Variants in ANKRD17 observed in about 807,000 individuals in gnomAD.
ANKRD17 encodes ankyrin repeat domain-containing protein 17.
ANKRD17 carries 19 observed loss-of-function variants against 229.7 expected under a neutral mutation model. The ratio of observed to expected loss-of-function variants is 0.08; its 90% CI spans 0.06 to 0.12. The LOEUF is 0.12. Among genes scored for constraint, ANKRD17 ranks in the 10% least tolerant of loss-of-function variants. ANKRD17 has a pLI of 1.00. For missense variants in ANKRD17, 2,176 were observed against 3,176.8 expected (o/e 0.68, Z 7.57); for synonymous variants, 1,112 against 1,146.1 (o/e 0.97, Z 0.60).
intron 16 of ANKRD17, among the ~76,000 whole-genome samples, chr4:73,133,750 G>A (rs1050815724): frequency 3.3e-5 from 5 of 151,994 alleles, no homozygotes; most frequent in African/African-American, 1.2e-4. Context: ...GTCTTTGGGG[G>A]ATGGTGGCAC....
At chr4:73,150,116 G>C (rs1170982813) in intron 7 of ANKRD17, among the ~76,000 whole-genome samples, 1 of 152,024 alleles carries the variant, frequency 6.6e-6, no homozygotes, top group Non-Finnish European at 1.5e-5. Flanking sequence ...AATTTGTAGA[G>C]AAGACTCTAA....
intron 7 of ANKRD17, among the ~76,000 whole-genome samples, 166 bp downstream of exon 7, chr4:73,151,264 T>C (rs1461637890): frequency 6.6e-6 from 1 of 152,342 alleles, no homozygotes; most frequent in East Asian, 1.9e-4. Context: ...GGTAGCATTG[T>C]AAAGCTTCAG....
chr4:73,211,604 T>C (rs998459919), intron 1 of ANKRD17, among the ~76,000 whole-genome samples: 4 of 152,148 alleles, frequency 2.6e-5, no homozygotes, highest in African/African-American at 9.7e-5. Context: ...CTCAGCACTT[T>C]GGGAGGCCGA....
chr4:73,091,757 A>C lies in ANKRD17; in HGVS notation c.5871T>G (p.Ser1957=), dbSNP rs762369605. 4 of 1,614,194 alleles carry C rather than the reference A, an allele frequency of 2.5e-6. No homozygotes were observed. The South Asian group carries it at 4.4e-5, about 18-fold the overall frequency. ...TTAAAGAACCTGCTGAATTCACCTG[A>C]GAACCACTGCTATTCTGATTGCTAT... is the stretch of plus-strand genomic sequence containing the variant. The part of the protein sequence containing the change: ...PRHSNQNSSG[S]QVNSAGSLTS... The change falls in exon 29 of 34, where the codon TCT becomes TCG. Residue 1957 remains serine, a synonymous_variant. Transcript: ENST00000358602.
intron 1 of ANKRD17, among the ~76,000 whole-genome samples, chr4:73,208,506 T>C (rs1461318893): frequency 6.6e-6 from 1 of 152,188 alleles, no homozygotes; most frequent in East Asian, 1.9e-4. Context: ...ATATGAACCA[T>C]GGATGGCCAA....
chr4:73,085,498 A>G (rs1275647894), intron 29 of ANKRD17, 52 bp from the exon 30 acceptor site: 1 of 1,463,232 alleles, frequency 6.8e-7, no homozygotes, highest in Non-Finnish European at 9.5e-7. Context: ...TGCAAGAAAT[A>G]GAGATACCTT....
At chr4:73,125,146 C>T (rs1727265558) in intron 17 of ANKRD17, 55 bp downstream of exon 17, 5 of 1,590,382 alleles carry the variant, frequency 3.1e-6, no homozygotes, top group African/African-American at 2.7e-5. Context: ...AAATAATGTT[C>T]CTAAATAAAT....
chr4:73,192,349 A>AAAAAAC (rs942711637), intron 1 of ANKRD17, among the ~76,000 whole-genome samples: 15 of 152,230 alleles, frequency 9.9e-5, no homozygotes, highest in African/African-American at 1.4e-4. Context: ...CCTGAAGCAA[A>AAAAAAC]AAAAACAAAA....
intron 3 of ANKRD17, among the ~76,000 whole-genome samples, chr4:73,158,026 G>C (rs925529330): frequency 2.0e-5 from 3 of 151,916 alleles, no homozygotes; most frequent in East Asian, 3.9e-4. Context: ...AGGAGGTGGA[G>C]GTTGCAGTGA....
chr4:73,080,012 A>C (rs1431128032), intron 30 of ANKRD17, among the ~76,000 whole-genome samples: 1 of 152,156 alleles, frequency 6.6e-6, no homozygotes, highest in Non-Finnish European at 1.5e-5. Flanking sequence ...AGGCTGAGGC[A>C]GACGAATCAC....
chr4:73,136,204 C>T (rs1728875441), intron 15 of ANKRD17, among the ~76,000 whole-genome samples: 1 of 151,976 alleles, frequency 6.6e-6, no homozygotes, highest in Non-Finnish European at 1.5e-5. Context: ...TCCCCCAACC[C>T]CATTAAAAAT....
intron 16 of ANKRD17, among the ~76,000 whole-genome samples, chr4:73,125,728 G>A (rs1396543106): frequency 1.3e-5 from 1 of 75,932 alleles, no homozygotes; most frequent in African/African-American, 4.5e-5. Context: ...GCGAGACTCC[G>A]TCTCAAAAAA....
At chr4:73,205,757 A>G (rs1171261234) in intron 1 of ANKRD17, among the ~76,000 whole-genome samples, 1 of 152,258 alleles carries the variant, frequency 6.6e-6, no homozygotes, top group African/African-American at 2.4e-5. Context: ...CATCAAGCTA[A>G]CAAGCTTTTA....
intron 17 of ANKRD17, 39 bp from the exon 18 acceptor site, chr4:73,125,097 CA>C: frequency 6.2e-7 from 1 of 1,607,912 alleles, no homozygotes; most frequent in Non-Finnish European, 8.5e-7. Context: ...CATGCTAAGG[CA>C]AAAGAACAAA....
rs749163551 is a variant in ANKRD17 at position 73,258,579 on chromosome 4, G to T, written c.90C>A (p.Pro30=). Residue 30 remains proline (P), a synonymous_variant, in exon 1 of 34, where the codon CCC becomes CCA. Transcript: ENST00000358602. Reference sequence around the variant, plus strand: ...CGCCGCCGCCGACCTCCGCCGCCGCGGGGGGGCCCGCCACAGCCGCCACCG... The same window carrying T: ...CGCCGCCGCCGACCTCCGCCGCCGCTGGGGGGCCCGCCACAGCCGCCACCG... ...PPAVAAVAGP[P]AAAEVGGGVG... 16 of 1,460,966 alleles carry T rather than the reference G, an allele frequency of 1.1e-5. No homozygotes were observed. The African/African-American group carries it at 1.2e-4, about 11-fold the overall frequency. The allele number at this position is 1,460,966 out of a possible 1,614,324, so 90.5% of individuals were successfully genotyped here.
chr4:73,094,604 C>T (rs928610088), intron 27 of ANKRD17, among the ~76,000 whole-genome samples: 3 of 151,562 alleles, frequency 2.0e-5, no homozygotes, highest in African/African-American at 7.3e-5. Context: ...ATGAAAACAC[C>T]ACCATGTCAT....
At chr4:73,114,807 T>C (rs748763625) in intron 23 of ANKRD17, among the ~76,000 whole-genome samples, 132 of 152,198 alleles carry the variant, frequency 8.7e-4, no homozygotes, top group Admixed American at 1.8e-3. Flanking sequence ...TTCACTATCA[T>C]GTAATAGCAA....
At chr4:73,251,417 T>C (rs1366324290) in intron 1 of ANKRD17, among the ~76,000 whole-genome samples, 2 of 152,202 alleles carry the variant, frequency 1.3e-5, no homozygotes, top group African/African-American at 4.8e-5. Context: ...GGTATTTTGC[T>C]TCTGGGTAAG....
chr4:73,099,192 G>A (rs1392789354), intron 25 of ANKRD17: 63 of 646,198 alleles, frequency 9.7e-5, no homozygotes. Flanking sequence ...TTCCTTCTGG[G>A]ACTGGACAGC....
Sources: allele counts gnomAD v4.1 joint callset (sites outside exome capture counted in the v4.1 genomes callset), GRCh38; gene constraint gnomAD v4.1.1; transcripts MANE v1.5; gene names NCBI Gene and HGNC (gene_info 2026-07-23, HGNC 2026-07-21).